Variants in INTS1 observed in about 807,000 individuals in gnomAD.
INTS1 encodes the protein integrator complex subunit 1.
INTS1 carries 137 observed loss-of-function variants against 241.6 expected under a neutral mutation model. The observed-to-expected ratio is 0.57, with a 90% CI of 0.49 to 0.65. The LOEUF is 0.65. Among genes scored for constraint, INTS1 ranks in the 30% least tolerant of loss-of-function variants. The pLI, the probability that INTS1 is intolerant of heterozygous loss-of-function variation, is 0.00. For synonymous variants in INTS1, 1,692 were observed against 1,337.8 expected, an observed-to-expected ratio of 1.26 and a Z score of -5.78; for missense variants, 3,073 against 3,032.2, an observed-to-expected ratio of 1.01 and a Z score of -0.32.
chr7:1,497,476 C>G lies in INTS1; in HGVS notation c.1426-162G>C, dbSNP rs1397626281. 6.6e-6 allele frequency among the ~76,000 whole-genome samples: 1 copy of G among 152,172 alleles called. No homozygotes were observed. The highest frequency in any genetic ancestry group is 1.5e-5 in the Non-Finnish European group (1 of 68,034). ...GGCTCCTTGCTCTACTGGCTGCCAG[C>G]CCTTGGCGAGCAGGGATCACATCTG... On this transcript the variant is annotated intron_variant, in intron 10 of 47. Coordinates refer to ENST00000404767, the MANE Select transcript of INTS1 (RefSeq NM_001080453.3). This position sits in a 1 kb window ranked among gnomAD's most constrained non-coding sequence, Gnocchi z 5.3.
Position 1,478,890 on chromosome 7 carries a change from G to A in INTS1, c.4330-5C>T, listed in dbSNP as rs371037354. On this transcript the variant is annotated splice_region_variant and splice_polypyrimidine_tract_variant and intron_variant, in intron 31 of 47. Coordinates refer to ENST00000404767, the MANE Select transcript of INTS1 (RefSeq NM_001080453.3). Reference sequence around the variant, plus strand: ...GGTGTCCTGTGGCACACAGCGCTGCGGGGACAAAGTGGCACGTGGCTACCC... The same window carrying A: ...GGTGTCCTGTGGCACACAGCGCTGCAGGGACAAAGTGGCACGTGGCTACCC... 1.9e-4 allele frequency: 297 copies of A among 1,595,670 alleles called. 1 individual carries two copies. The highest frequency in any genetic ancestry group is 8.5e-4 in the South Asian group (77 of 90,350).
rs1217003649 is a variant in INTS1, at chr7:1,474,171, C to T, written c.5826G>A (p.Leu1942=). 6.4e-7 allele frequency: 1 copy of T among 1,565,976 alleles called. No homozygotes were observed. Among genetic ancestry groups the T allele is most frequent in the Non-Finnish European group, 8.6e-7 (1 of 1,158,226 alleles). Residue 1942 remains leucine, a synonymous_variant, in exon 41 of 48, where the codon CTG becomes CTA. Coordinates refer to ENST00000404767, the MANE Select transcript of INTS1 (RefSeq NM_001080453.3). The stretch of plus-strand genomic sequence containing the variant: ...GGCGGGCGGCGGGAGCACACACCAG[C>T]AGCAGGCGGATGAAGGACAGAAGGC... ...WDCLLSFIRL[L]LNYRKSSRHL... is the part of the protein sequence containing the mutation.
chr7:1,486,646 G>C lies in INTS1; in HGVS notation c.2955C>G (p.Ala985=), dbSNP rs778402378. Residue 985 remains alanine (A), a synonymous_variant, in exon 22 of 48, where the codon GCC becomes GCG. Transcript: ENST00000404767. ...FLRRLGSSQV[A]SRVLAMKGLS... Reference sequence around the variant, plus strand: ...TCACCTTCATGGCCAGCACGCGGGAGGCCACCTGGGAGGAGCCGAGGCGCC... The same window carrying C: ...TCACCTTCATGGCCAGCACGCGGGACGCCACCTGGGAGGAGCCGAGGCGCC... 9.3e-6 allele frequency: 15 copies of C among 1,612,034 alleles called. No homozygotes were observed. The highest frequency in any genetic ancestry group is 1.3e-5 in the Non-Finnish European group (15 of 1,179,530).
Position 1,476,359 on chromosome 7 carries a change from C to T in INTS1, c.5248G>A (p.Gly1750Arg), listed in dbSNP as rs757832597. The T allele has an allele frequency of 8.9e-6, 14 of 1,576,806 alleles. No individual in the cohort carries two copies. The highest frequency in any genetic ancestry group is 3.5e-5 in the South Asian group (3 of 86,432). Residue 1750 changes from glycine (G) to arginine (R), a missense_variant, in exon 38 of 48, where the codon GGG (glycine) becomes AGG (arginine). Physicochemically the swap from Gly to Arg is moderately radical, Grantham distance 125. Transcript: ENST00000404767. ...LAEAETRSQD[G>R]DTAACSLIQA... is the part of the protein sequence containing the mutation. Reference sequence around the variant, plus strand: ...ATGAGGCTGCAGGCGGCTGTGTCCCCGTCCTGGCTCCGCGTCTCCGCCTCG... The same window carrying T: ...ATGAGGCTGCAGGCGGCTGTGTCCCTGTCCTGGCTCCGCGTCTCCGCCTCG...
chr7:1,502,601 C>T lies in INTS1; in HGVS notation c.349+300G>A, dbSNP rs190229356. On this transcript the variant is annotated intron_variant, in intron 3 of 47. Coordinates refer to ENST00000404767, the MANE Select transcript of INTS1 (RefSeq NM_001080453.3). ...GGGTGTCGTCACGCCCGGTTTACCCCCAGGGCTCAGACAGTGCCCGTCACA... is the reference window on the plus strand; with the variant it reads ...GGGTGTCGTCACGCCCGGTTTACCCTCAGGGCTCAGACAGTGCCCGTCACA... Among the ~76,000 whole-genome samples the T allele has an allele frequency of 2.2e-4, 33 of 152,300 alleles. 1 individual carries two copies. The highest frequency in any genetic ancestry group is 3.4e-3 in the Middle Eastern group (1 of 294).
In INTS1 at chr7:1,486,963, C is replaced by T. The variant is rs550131338; in HGVS notation, c.2785G>A (p.Asp929Asn). Reference protein sequence around the residue: ...VDDAASGEEDDEGESKEQKAK... With the variant: ...VDDAASGEEDNEGESKEQKAK... ...TTCTGCTCCTTGCTCTCGCCCTCGT[C>T]GTCCTCCTCCCCGGAAGCAGCATCG... Residue 929 changes from aspartate (D) to asparagine (N), a missense_variant, in exon 21 of 48, where the codon GAC (aspartate) becomes AAC (asparagine). By Grantham distance (23) the Asp-to-Asn change is conservative. Coordinates refer to ENST00000404767, the MANE Select transcript of INTS1 (RefSeq NM_001080453.3). 5.0e-6 allele frequency: 8 copies of T among 1,607,878 alleles called. No individual in the cohort carries two copies. Among genetic ancestry groups the T allele is most frequent in the East Asian group, 2.2e-5 (1 of 44,798 alleles).
intron 3 of INTS1, 38 bp from the exon 4 acceptor site, chr7:1,500,404 G>C (rs1386783946): frequency 6.7e-7 from 1 of 1,501,320 alleles, no homozygotes; most frequent in Non-Finnish European, 8.9e-7. Flanking sequence ...ACGGGGCCAG[G>C]GCAGGGTCAC....
intron 32 of INTS1, 37 bp downstream of exon 32, chr7:1,478,689 G>GC: frequency 3.3e-6 from 5 of 1,517,092 alleles, no homozygotes; most frequent in Non-Finnish European, 1.8e-6. Context: ...CCTGTCCAGT[G>GC]CCCCCCAGCC....
chr7:1,483,493 C>T, intron 26 of INTS1: 2 of 568,202 alleles, frequency 3.5e-6, no homozygotes. Context: ...GTACCAGGCC[C>T]TCCAGCTCAG....
Position 1,500,295 on chromosome 7 carries a change from C to A in INTS1, c.421G>T (p.Val141Leu). ...LEGNDDRIEG[V>L]LCGAVKQLKV... The stretch of plus-strand genomic sequence containing the variant: ...AGCTGCTTCACGGCCCCGCACAGCA[C>A]GCCCTCGATCCTGTCATCGTTGCCC... Residue 141 changes from valine to leucine, a missense_variant, in exon 4 of 48, where the codon GTG (valine) becomes TTG (leucine). Coordinates refer to ENST00000404767, the MANE Select transcript of INTS1 (RefSeq NM_001080453.3). The A allele has an allele frequency of 1.9e-6, 3 of 1,593,550 alleles. No individual in the cohort carries two copies. Among genetic ancestry groups the A allele is most frequent in the Non-Finnish European group, 1.7e-6 (2 of 1,168,804 alleles).
rs764286809 is a variant in INTS1 at position 1,499,368 on chromosome 7, C to T, written c.845-8G>A. 6.4e-7 allele frequency: 1 copy of T among 1,570,482 alleles called. No homozygotes were observed. The highest frequency in any genetic ancestry group is 2.3e-5 in the East Asian group (1 of 44,324). On this transcript the variant is annotated splice_polypyrimidine_tract_variant and splice_region_variant and intron_variant, in intron 6 of 47. Coordinates refer to ENST00000404767, the MANE Select transcript of INTS1 (RefSeq NM_001080453.3). Reference sequence around the variant, plus strand: ...AGGGGTGTGGGCTGCTCCCTGCAAACCAAGGAGAGGGCTCCATGCAGCGCC... The same window carrying T: ...AGGGGTGTGGGCTGCTCCCTGCAAATCAAGGAGAGGGCTCCATGCAGCGCC...
At chr7:1,503,869 A>ACCCCCAAAGACCCCCAAAGC (rs1190068149) in intron 2 of INTS1, 34 bp downstream of exon 2, 1 of 1,482,178 alleles carries the variant, frequency 6.7e-7, no homozygotes, top group African/African-American at 1.5e-5. Context: ...ACCCCCAAAG[A>ACCCCCAAAGACCCCCAAAGC]CCCCCGGGCT....
rs542826797 is a variant in INTS1 at position 1,494,934 on chromosome 7, C to T, written c.1833-41G>A. 24 of 1,546,876 alleles carry T rather than the reference C, an allele frequency of 1.6e-5. No homozygotes were observed. In the South Asian group the frequency reaches 2.6e-4, roughly 17 times the overall value. ...AGAGCCCTCAGTCATGATGTGGGTGCTCAGGGACCAGCCCCGTTAGTTCCA... is the reference window on the plus strand; with the variant it reads ...AGAGCCCTCAGTCATGATGTGGGTGTTCAGGGACCAGCCCCGTTAGTTCCA... On this transcript the variant is annotated intron_variant, in intron 13 of 47. Transcript: ENST00000404767.
In INTS1 at chr7:1,476,022, G is replaced by T; in HGVS notation, c.5428C>A (p.Arg1810=). The change falls in exon 39 of 48, where the codon CGG becomes AGG. Residue 1810 remains arginine, a synonymous_variant. Coordinates refer to ENST00000404767, the MANE Select transcript of INTS1 (RefSeq NM_001080453.3). ...RDLLLQLYLQ[R]PELRVPVPEV... The stretch of plus-strand genomic sequence containing the variant: ...GGCACGGGCACCCGCAGCTCCGGCC[G>T]CTGTAGGTAGAGCTGCAGGAGAAGG... 6.5e-7 allele frequency: 1 copy of T among 1,545,828 alleles called. No individual in the cohort carries two copies.
intron 43 of INTS1, 37 bp downstream of exon 43, chr7:1,473,035 G>C: frequency 1.4e-6 from 2 of 1,428,010 alleles, no homozygotes; most frequent in Non-Finnish European, 1.9e-6. Context: ...GGACTGTTCC[G>C]CAGCTGCTTC....
rs377318789 is a variant in INTS1, at chr7:1,495,734, C to T, written c.1712-181G>A. 7.2e-5 allele frequency among the ~76,000 whole-genome samples: 11 copies of T among 152,212 alleles called. No individual in the cohort carries two copies. In the East Asian group the frequency reaches 1.2e-3, roughly 16 times the overall value. ...AGGCATGGAGTGACCCTGACGCGTGCGTGGGTGACTGGAATCCTCCTGTTC... is the reference window on the plus strand; with the variant it reads ...AGGCATGGAGTGACCCTGACGCGTGTGTGGGTGACTGGAATCCTCCTGTTC... On this transcript the variant is annotated intron_variant, in intron 12 of 47. Transcript: ENST00000404767.
Position 1,480,385 on chromosome 7 carries a change from G to A in INTS1, c.4006C>T (p.Arg1336Trp), listed in dbSNP as rs202125649. The change falls in exon 30 of 48, where the codon CGG becomes TGG. Residue 1336 changes from arginine (R) to tryptophan (W), a missense_variant. Transcript: ENST00000404767. ...SSPEQPIGQG[R>W]IRVGTQLRVL... is the part of the protein sequence containing the mutation. Reference sequence around the variant, plus strand: ...CGGAGCTGGGTCCCCACCCGAATCCGGCCCTGGCCTATGGGCTGCTCTGGG... The same window carrying A: ...CGGAGCTGGGTCCCCACCCGAATCCAGCCCTGGCCTATGGGCTGCTCTGGG... 2.9e-5 allele frequency: 47 copies of A among 1,612,904 alleles called. No homozygotes were observed. Among genetic ancestry groups the A allele is most frequent in the Admixed American group, 1.5e-4 (9 of 59,936 alleles).
At position 1,472,300 on chromosome 7, in the gene INTS1, G is replaced by A. The variant is rs369921390; in HGVS notation, c.6157C>T (p.Arg2053Trp). 51 of 1,562,656 alleles carry A rather than the reference G, an allele frequency of 3.3e-5. No homozygotes were observed. Among genetic ancestry groups the A allele is most frequent in the African/African-American group, 6.8e-5 (5 of 73,758 alleles). Residue 2053 changes from arginine to tryptophan, a missense_variant, in exon 44 of 48, where the codon CGG becomes TGG. By Grantham distance (101) the Arg-to-Trp change is moderately radical. Transcript: ENST00000404767. ...TAAEMAPYMK[R>W]LSRGQTVEDL... ...TCCACCGTTTGGCCCCGGGAAAGCC[G>A]TTTCATGTAGGGGGCCATCTCGGCC...
chr7:1,473,438 C>T lies in INTS1; in HGVS notation c.5957+128G>A, dbSNP rs1295739641. 2.4e-6 allele frequency: 3 copies of T among 1,239,734 alleles called. No individual in the cohort carries two copies. The African/African-American group carries it at 4.5e-5, about 18-fold the overall frequency. The allele number at this position is 1,239,734 out of a possible 1,614,324, so 76.8% of individuals were successfully genotyped here. ...TCTGCGCCCTGGGATGAGCACCACGCTCAGCAGCCCTCCCCGGCCTCAGGA... is the reference window on the plus strand; with the variant it reads ...TCTGCGCCCTGGGATGAGCACCACGTTCAGCAGCCCTCCCCGGCCTCAGGA... On this transcript the variant is annotated intron_variant, in intron 42 of 47. Transcript: ENST00000404767.
Sources: allele counts gnomAD v4.1 joint callset (sites outside exome capture counted in the v4.1 genomes callset), GRCh38; gene constraint gnomAD v4.1.1; non-coding constraint Gnocchi (gnomAD v3.1); transcripts MANE v1.5; gene names NCBI Gene and HGNC (gene_info 2026-07-23, HGNC 2026-07-21).